UNC79: variants seen among roughly 807,000 people sequenced by gnomAD.
UNC79 encodes the protein protein unc-79 homolog.
Under a neutral mutation model 283.1 loss-of-function variants are expected in UNC79, and 37 were observed. That is an observed-to-expected ratio of 0.13 (90% CI 0.10 to 0.17). UNC79 has a LOEUF of 0.17. Ranked by LOEUF, UNC79 falls within the 10% of genes least tolerant of loss-of-function variation. UNC79 has a pLI of 1.00. For missense variants in UNC79, 2,272 were observed against 3,211.1 expected, an observed-to-expected ratio of 0.71 and a Z score of 7.07; for synonymous variants, 1,107 against 1,200.2, an observed-to-expected ratio of 0.92 and a Z score of 1.61.
intron 14 of UNC79, among the ~76,000 whole-genome samples, chr14:93,563,783 A>G (rs2062709034): frequency 6.6e-6 from 1 of 152,204 alleles, no homozygotes; most frequent in South Asian, 2.1e-4. Context: ...AGTATCCAGA[A>G]TAATGTGGGA....
At chr14:93,404,486 T>TAAAAAAAAAAAAA (rs34406486) in intron 1 of UNC79, among the ~76,000 whole-genome samples, 17 of 53,018 alleles carry the variant, frequency 3.2e-4, no homozygotes, top group Admixed American at 1.9e-3. Flanking sequence ...TGAGACCTTC[T>TAAAAAAAAAAAAA]AAAAAAAATA....
intron 14 of UNC79, among the ~76,000 whole-genome samples, chr14:93,562,630 C>T (rs1463445643): frequency 2.0e-5 from 3 of 152,046 alleles, no homozygotes; most frequent in Non-Finnish European, 2.9e-5. Flanking sequence ...GAAGGTTCCA[C>T]TGAATACCAA....
At chr14:93,584,612 T>C (rs973844183) in intron 20 of UNC79, among the ~76,000 whole-genome samples, 3 of 152,240 alleles carry the variant, frequency 2.0e-5, no homozygotes, top group African/African-American at 7.2e-5. Context: ...TTTTTAAACC[T>C]AAGCTAGCAC....
chr14:93,404,493 A>AAAAAATAT, intron 1 of UNC79, among the ~76,000 whole-genome samples: 6 of 61,500 alleles, frequency 9.8e-5, no homozygotes, highest in South Asian at 4.6e-4. Context: ...TTCTAAAAAA[A>AAAAAATAT]ATATATATAT....
At chr14:93,437,447 G>T (rs569324598) in intron 1 of UNC79, 1 of 152,140 alleles carries the variant, frequency 6.6e-6, no homozygotes, top group African/African-American at 2.4e-5. Context: ...TTGCGCAAGG[G>T]TCATGCGAGT....
At chr14:93,635,209 A>G (rs1050155657) in intron 31 of UNC79, among the ~76,000 whole-genome samples, 2 of 152,204 alleles carry the variant, frequency 1.3e-5, no homozygotes, top group Non-Finnish European at 2.9e-5. Flanking sequence ...TCTATTCTAA[A>G]CATGATCACT....
intron 1 of UNC79, among the ~76,000 whole-genome samples, chr14:93,362,602 C>T (rs1004642959): frequency 6.6e-6 from 1 of 152,162 alleles, no homozygotes; most frequent in African/African-American, 2.4e-5. Context: ...CCTGCCTCGG[C>T]CTCCCAAAGT....
chr14:93,551,533 A>T (rs958421753), intron 14 of UNC79, among the ~76,000 whole-genome samples: 1 of 152,202 alleles, frequency 6.6e-6, no homozygotes, highest in African/African-American at 2.4e-5. Flanking sequence ...TCAGTTGTTC[A>T]GCATTCCTTC....
intron 27 of UNC79, among the ~76,000 whole-genome samples, chr14:93,615,720 CAAAAAAAAAAAA>C (rs1158073507): frequency 2.1e-4 from 5 of 23,292 alleles, no homozygotes; most frequent in Admixed American, 5.9e-4. Context: ...GACTCCATCT[CAAAAAAAAAAAA>C]AAAAAAAAAA....
intron 39 of UNC79, among the ~76,000 whole-genome samples, chr14:93,660,561 A>ATG (rs1351937848): frequency 1.2e-3 from 96 of 83,182 alleles, no homozygotes; most frequent in East Asian, 4.4e-3. Flanking sequence ...ATATATATAT[A>ATG]TATGTGTGTG....
At chr14:93,592,393 C>G (rs1241876614) in intron 22 of UNC79, among the ~76,000 whole-genome samples, 1 of 152,006 alleles carries the variant, frequency 6.6e-6, no homozygotes, top group Non-Finnish European at 1.5e-5. Context: ...CCAGGATGGT[C>G]TCGATCTCCT....
At chr14:93,521,635 T>C (rs1338968744) in intron 7 of UNC79, among the ~76,000 whole-genome samples, 1 of 151,758 alleles carries the variant, frequency 6.6e-6, no homozygotes, top group African/African-American at 2.4e-5. Flanking sequence ...GAGACCAGTT[T>C]CTGAAAATAG....
intron 20 of UNC79, among the ~76,000 whole-genome samples, chr14:93,584,824 C>G (rs1242889): frequency 0.53 from 79,590 of 151,142 alleles, 22,057 homozygotes; most frequent in African/African-American, 0.71. Context: ...AGCTTCCTGA[C>G]TAGCTGGGAC....
At chr14:93,587,061 T>C (rs542332327) in intron 22 of UNC79, among the ~76,000 whole-genome samples, 153 bp downstream of exon 22, 2 of 152,368 alleles carry the variant, frequency 1.3e-5, no homozygotes, top group East Asian at 3.9e-4. Flanking sequence ...TTTTCTTTTT[T>C]AGTCTAATTT....
intron 3 of UNC79, among the ~76,000 whole-genome samples, chr14:93,475,289 C>T (rs1566969443): frequency 6.6e-6 from 1 of 152,274 alleles, no homozygotes; most frequent in East Asian, 1.9e-4. Context: ...CAAAGTTTCA[C>T]TGTACAGAAA....
chr14:93,534,877 C>T (rs1024815344), intron 11 of UNC79, among the ~76,000 whole-genome samples: 1 of 152,258 alleles, frequency 6.6e-6, no homozygotes, highest in Admixed American at 6.5e-5. Flanking sequence ...TATTGCTTAT[C>T]CTTTAATAAA....
intron 1 of UNC79, among the ~76,000 whole-genome samples, chr14:93,386,147 T>C (rs757688190): frequency 6.6e-6 from 1 of 152,224 alleles, no homozygotes; most frequent in Non-Finnish European, 1.5e-5. Context: ...ATATGTTCCT[T>C]CTATACCCAG....
At chr14:93,623,945 G>T (rs750065484) in intron 30 of UNC79, among the ~76,000 whole-genome samples, 13 of 152,082 alleles carry the variant, frequency 8.5e-5, no homozygotes, top group Non-Finnish European at 1.9e-4. Context: ...AATGGAATTG[G>T]CTAGGGATGA....
exon 24 of UNC79, chr14:93,597,492 T>C (rs563501649): frequency 3.1e-6 from 5 of 1,614,016 alleles, no homozygotes; most frequent in Non-Finnish European, 4.2e-6. Context: ...CCGCAGTGGC[T>C]ACCAGAGCTG....
Sources: gnomAD v4.1 joint callset for allele counts (sites outside exome capture counted in the v4.1 genomes callset) on GRCh38, gnomAD v4.1.1 for gene constraint, MANE v1.5 for transcripts, NCBI Gene and HGNC (gene_info 2026-07-23, HGNC 2026-07-21) for gene names.